SPIDR: variants seen among roughly 807,000 people sequenced by gnomAD.
SPIDR encodes scaffold protein involved in DNA repair.
In SPIDR, 93 loss-of-function variants were observed where a neutral mutation model predicts 104.6. The ratio of observed to expected loss-of-function variants is 0.89; its 90% confidence interval spans 0.75 to 1.06. The LOEUF is 1.06. SPIDR is among the 50% of genes least tolerant of loss of function. SPIDR has a pLI of 0.00. For synonymous variants in SPIDR, 431 were observed against 416.9 expected (o/e 1.03, Z -0.41); for missense variants, 1,154 against 1,111.2 (o/e 1.04, Z -0.55).
chr8:47,533,070 C>G (rs1246423475), intron 8 of SPIDR, among the ~76,000 whole-genome samples: 3 of 151,908 alleles, frequency 2.0e-5, no homozygotes, highest in Non-Finnish European at 4.4e-5. Context: ...TACAACATAA[C>G]CAAATTTGTA....
chr8:47,536,394 A>C (rs1202575628), intron 8 of SPIDR, among the ~76,000 whole-genome samples: 2 of 152,242 alleles, frequency 1.3e-5, no homozygotes, highest in Non-Finnish European at 2.9e-5. Flanking sequence ...AATTATGGTA[A>C]GTAATCAAGG....
chr8:47,319,243 G>A (rs201858626), intron 5 of SPIDR, among the ~76,000 whole-genome samples: 11 of 152,262 alleles, frequency 7.2e-5, no homozygotes, highest in Non-Finnish European at 1.0e-4. Flanking sequence ...ATAAAGGATG[G>A]AGGAAGATCT....
In SPIDR at chr8:47,735,409, A is replaced by G. The variant is rs747144257; in HGVS notation, c.2707A>G (p.Ile903Val). The G allele has an allele frequency of 1.2e-6, 2 of 1,614,046 alleles. No individual in the cohort carries two copies. The highest frequency in any genetic ancestry group is 2.7e-5 in the African/African-American group (2 of 74,904). ...HPTSCIGLEEIELLSAGGASA... is the reference protein window; with the variant it reads ...HPTSCIGLEEVELLSAGGASA... ...GACCAGCTGCATTGGATTGGAGGAA[A>G]TCGAGCTTCTGAGTGCAGGAGGGGC... Residue 903 changes from isoleucine (I) to valine (V), a missense_variant, in exon 20 of 20, where the codon ATC becomes GTC. Physicochemically the swap from Ile to Val is conservative, Grantham distance 29 (BLOSUM62 3). Coordinates refer to ENST00000297423, the MANE Select transcript of SPIDR (RefSeq NM_001080394.4).
intron 11 of SPIDR, among the ~76,000 whole-genome samples, chr8:47,684,323 T>C (rs2077476709): frequency 6.6e-6 from 1 of 152,064 alleles, no homozygotes; most frequent in Non-Finnish European, 1.5e-5. Context: ...TAGCTCTGAA[T>C]TATTTGACTG....
At chr8:47,629,504 A>G (rs1450062081) in intron 10 of SPIDR, among the ~76,000 whole-genome samples, 1 of 152,236 alleles carries the variant, frequency 6.6e-6, no homozygotes, top group Middle Eastern at 3.4e-3. Context: ...TGTAATCCCA[A>G]CACTTTGGGA....
Position 47,414,498 on chromosome 8 carries a change from G to A in SPIDR, c.877+6537G>A, listed in dbSNP as rs576788105. 5.9e-5 allele frequency among the ~76,000 whole-genome samples: 9 copies of A among 152,278 alleles called. No homozygotes were observed. The South Asian group carries it at 1.5e-3, about 25-fold the overall frequency. On this transcript the variant is annotated intron_variant, in intron 7 of 19. Coordinates refer to ENST00000297423, the MANE Select transcript of SPIDR (RefSeq NM_001080394.4). The stretch of plus-strand genomic sequence containing the variant: ...CCTTATTTATCTGCTTCAGAGATGA[G>A]AAATTATGGCTTACAAAATTGATCT...
rs144286584 is a variant in SPIDR at position 47,379,201 on chromosome 8, C to T, written c.526-17175C>T. ...CAGAGTCCAAAATAATGGCTTTCCA[C>T]AGGAATGCCTGTGGGCTGTCATGAG... On this transcript the variant is annotated intron_variant, in intron 5 of 19. Coordinates refer to ENST00000297423, the MANE Select transcript of SPIDR (RefSeq NM_001080394.4). 3.3e-5 allele frequency among the ~76,000 whole-genome samples: 5 copies of T among 152,304 alleles called. No individual in the cohort carries two copies. In the East Asian group the frequency reaches 9.6e-4, roughly 29 times the overall value.
intron 5 of SPIDR, among the ~76,000 whole-genome samples, chr8:47,386,058 C>CT (rs1291329634): frequency 9.3e-5 from 14 of 151,034 alleles, no homozygotes; most frequent in Non-Finnish European, 1.9e-4. Context: ...AGGGATCCAG[C>CT]TTTTTTTTTC....
chr8:47,636,760 G>A (rs1035088760), intron 10 of SPIDR, among the ~76,000 whole-genome samples: 14 of 150,286 alleles, frequency 9.3e-5, no homozygotes, highest in Middle Eastern at 3.2e-3. Flanking sequence ...AGGCTGCAGC[G>A]AGCCATGATC....
chr8:47,626,426 G>A, intron 10 of SPIDR, among the ~76,000 whole-genome samples: 1 of 152,116 alleles, frequency 6.6e-6, no homozygotes, highest in East Asian at 1.9e-4. Context: ...CACAGCAAAA[G>A]AAACTACCAT....
intron 10 of SPIDR, among the ~76,000 whole-genome samples, chr8:47,612,842 G>A (rs749460051): frequency 2.6e-5 from 4 of 152,112 alleles, no homozygotes; most frequent in South Asian, 2.1e-4. Flanking sequence ...ATATGTGTCC[G>A]CTTTATACAC....
Position 47,591,011 on chromosome 8 carries a change from T to TA in SPIDR, c.1098-4799dup, listed in dbSNP as rs1264842458. ...ACATGATGTATCTTTTCTCATTTTT[T>TA]ACTTTCATCCTACCTATATGTCTGT... On this transcript the variant is annotated intron_variant, in intron 8 of 19. Transcript: ENST00000297423. Among the ~76,000 whole-genome samples, 4 of 152,316 alleles carry TA rather than the reference T, an allele frequency of 2.6e-5. No individual in the cohort carries two copies. The East Asian group carries it at 7.7e-4, about 29-fold the overall frequency.
Position 47,558,085 on chromosome 8 carries a change from G to A in SPIDR, c.1098-37726G>A, listed in dbSNP as rs558938661. ...AAACACCACATTTAATCACTTGTTA[G>A]TAGAAGCTAACTACTGGGTACACAT... On this transcript the variant is annotated intron_variant, in intron 8 of 19. Coordinates refer to ENST00000297423, the MANE Select transcript of SPIDR (RefSeq NM_001080394.4). 5.9e-5 allele frequency among the ~76,000 whole-genome samples: 9 copies of A among 152,292 alleles called. No individual in the cohort carries two copies. In the Middle Eastern group the frequency reaches 0.01, roughly 173 times the overall value.
intron 10 of SPIDR, among the ~76,000 whole-genome samples, chr8:47,651,389 C>T (rs1018638860): frequency 3.9e-5 from 6 of 152,028 alleles, no homozygotes; most frequent in Admixed American, 3.9e-4. Flanking sequence ...AAATTAAAAC[C>T]GCAGTGAGAT....
chr8:47,507,024 C>G (rs2081586185), intron 8 of SPIDR, among the ~76,000 whole-genome samples: 1 of 152,168 alleles, frequency 6.6e-6, no homozygotes, highest in African/African-American at 2.4e-5. Flanking sequence ...GTGAGACAAG[C>G]ATTCATAGGG....
At chr8:47,517,860 T>C (rs2154379077) in intron 8 of SPIDR, among the ~76,000 whole-genome samples, 1 of 152,366 alleles carries the variant, frequency 6.6e-6, no homozygotes, top group Middle Eastern at 3.4e-3. Flanking sequence ...CAAACAATTT[T>C]ATCAGCACTA....
chr8:47,291,153 C>T lies in SPIDR; in HGVS notation c.361+16C>T. The stretch of plus-strand genomic sequence containing the variant: ...TTACAGAGAGGTAATGGACATTGCT[C>T]TAGAATAGACAGATTTTGTAACAGG... On this transcript the variant is annotated intron_variant, in intron 4 of 19. Transcript: ENST00000297423. The T allele has an allele frequency of 1.3e-6, 2 of 1,527,700 alleles. No individual in the cohort carries two copies. The highest frequency in any genetic ancestry group is 1.8e-6 in the Non-Finnish European group (2 of 1,113,126). The allele number at this position is 1,527,700 out of a possible 1,614,324, so 94.6% of individuals were successfully genotyped here. A position where few individuals can be genotyped will look rare whatever the true frequency, so the allele number is the denominator to read the frequency against.
chr8:47,400,508 A>G (rs552447974), intron 6 of SPIDR, among the ~76,000 whole-genome samples: 1 of 152,154 alleles, frequency 6.6e-6, no homozygotes, highest in South Asian at 2.1e-4. Flanking sequence ...TGATGAAGGG[A>G]TGGTGGTTTG....
At chr8:47,727,007 C>T (rs1373312503) in intron 16 of SPIDR, among the ~76,000 whole-genome samples, 193 bp from the exon 17 acceptor site, 1 of 152,146 alleles carries the variant, frequency 6.6e-6, no homozygotes, top group African/African-American at 2.4e-5. Context: ...AGTTTTAAAA[C>T]GTACTTCTTA....
Sources: allele counts gnomAD v4.1 joint callset (sites outside exome capture counted in the v4.1 genomes callset), GRCh38; gene constraint gnomAD v4.1.1; transcripts MANE v1.5; gene names NCBI Gene and HGNC (gene_info 2026-07-23, HGNC 2026-07-21).